SAMSN1: variants seen among roughly 807,000 people sequenced by gnomAD.
The protein encoded by SAMSN1 is SAM domain-containing protein SAMSN-1.
In SAMSN1, 31 loss-of-function variants were observed where a neutral mutation model predicts 42.0. The observed-to-expected ratio is 0.74, with a 90% CI of 0.55 to 1.00. The LOEUF (loss-of-function observed/expected upper bound fraction) is 1.00, where lower values mean the gene tolerates loss of function less well. Ranked by LOEUF, SAMSN1 falls within the 50% of genes least tolerant of loss-of-function variation. The pLI is 0.00. For missense variants in SAMSN1, 464 were observed against 439.4 expected (o/e 1.06, Z -0.50); for synonymous variants, 178 against 151.9 (o/e 1.17, Z -1.26).
rs1555826735 is a variant in SAMSN1 at position 14,493,613 on chromosome 21, A to ACACACACG, written c.919+4828_919+4829insCGTGTGTG. On this transcript the variant is annotated intron_variant, in intron 7 of 7. Coordinates refer to ENST00000400566, the MANE Select transcript of SAMSN1 (RefSeq NM_022136.5). Reference sequence around the variant, plus strand: ...CACACACACACACACACACACACACATATTTTCTGTTCTCTTTTTTATTTG... The same window carrying ACACACACG: ...CACACACACACACACACACACACACACACACACGTATTTTCTGTTCTCTTTTTTATTTG... Among the ~76,000 whole-genome samples the ACACACACG allele has an allele frequency of 1.2e-3, 183 of 151,032 alleles. 1 individual carries two copies. The highest frequency in any genetic ancestry group is 5.9e-3 in the South Asian group (28 of 4,764).
intron 7 of SAMSN1, chr21:14,495,604 G>A (rs1986885312): frequency 6.6e-6 from 1 of 151,804 alleles, no homozygotes; most frequent in Non-Finnish European, 1.5e-5. Context: ...GTACCTTACT[G>A]GCTGTCATTA....
At chr21:14,578,680 CAAAAAAA>C (rs769354531) in intron 2 of SAMSN1, among the ~76,000 whole-genome samples, 5 of 63,694 alleles carry the variant, frequency 7.9e-5, no homozygotes, top group East Asian at 5.4e-4. Context: ...GAGAATCCAT[CAAAAAAA>C]AAAAAAAAAA....
chr21:14,558,260 G>A (rs1980825264), intron 2 of SAMSN1, among the ~76,000 whole-genome samples: 1 of 151,972 alleles, frequency 6.6e-6, no homozygotes, highest in Non-Finnish European at 1.5e-5. Context: ...GATTAAAATT[G>A]CAGAATCCGT....
chr21:14,489,437 A>G (rs907737656), intron 7 of SAMSN1, among the ~76,000 whole-genome samples: 8 of 152,202 alleles, frequency 5.3e-5, no homozygotes, highest in African/African-American at 1.9e-4. Flanking sequence ...AAATTTGTTA[A>G]TTTTCCCTCT....
In SAMSN1 at chr21:14,582,344, A is replaced by T. The variant is rs1309040310; in HGVS notation, c.53T>A (p.Leu18Ter). 2.6e-6 allele frequency: 4 copies of T among 1,550,186 alleles called. No individual in the cohort carries two copies. The Admixed American group carries it at 7.8e-5, about 30-fold the overall frequency. Residue 18 changes from leucine (L) to a stop codon, truncating the protein, a stop_gained, in exon 2 of 9, where the codon TTA becomes TAA. Transcript: ENST00000285670. LOFTEE classifies it high-confidence loss of function. ...TTTATCTTCCAAGTTGCAGTTATTT[A>T]AAGTGCTGGATCTACCCAGTGATGC...
chr21:14,569,094 C>A (rs1981206368), intron 2 of SAMSN1, among the ~76,000 whole-genome samples: 1 of 151,592 alleles, frequency 6.6e-6, no homozygotes, highest in Non-Finnish European at 1.5e-5. Context: ...AGTTCAAGAC[C>A]AGCCTAGGCA....
In SAMSN1 at chr21:14,569,388, G is replaced by C. The variant is rs562850837; in HGVS notation, c.261+12748C>G. On this transcript the variant is annotated intron_variant, in intron 2 of 8. Coordinates refer to the SAMSN1 transcript ENST00000285670. ...TAAAATAAATGAATTCATTTTGGCCGACTGCTGTTTTGGGTTATTTCCCCA... is the reference window on the plus strand; with the variant it reads ...TAAAATAAATGAATTCATTTTGGCCCACTGCTGTTTTGGGTTATTTCCCCA... Among the ~76,000 whole-genome samples the C allele has an allele frequency of 9.9e-5, 15 of 152,232 alleles. No individual in the cohort carries two copies. In the East Asian group the frequency reaches 2.3e-3, roughly 24 times the overall value.
At chr21:14,571,017 T>G in intron 2 of SAMSN1, among the ~76,000 whole-genome samples, 1 of 151,248 alleles carries the variant, frequency 6.6e-6, no homozygotes, top group African/African-American at 2.5e-5. Context: ...TTATTATCAG[T>G]TAGTTAACTC....
intron 2 of SAMSN1, among the ~76,000 whole-genome samples, chr21:14,568,249 T>C (rs1981183452): frequency 6.6e-6 from 1 of 152,204 alleles, no homozygotes; most frequent in Admixed American, 6.5e-5. Context: ...TTCAGGTTTA[T>C]AAGGCCTCTG....
intron 5 of SAMSN1, among the ~76,000 whole-genome samples, chr21:14,607,426 A>G (rs747742185): frequency 2.6e-5 from 4 of 152,202 alleles, no homozygotes; most frequent in Non-Finnish European, 4.4e-5. Context: ...TTATAATGTT[A>G]CAGACAGCCT....
intron 2 of SAMSN1, among the ~76,000 whole-genome samples, chr21:14,577,263 TA>T (rs1981520585): frequency 4.3e-5 from 2 of 46,378 alleles, no homozygotes; most frequent in East Asian, 4.1e-4. Context: ...TATATATATA[TA>T]TATATATATA....
rs543219242 is a variant in SAMSN1 at position 14,604,547 on chromosome 21, A to G, written c.323-2448T>C. Among the ~76,000 whole-genome samples the G allele has an allele frequency of 2.6e-5, 4 of 152,320 alleles. No homozygotes were observed. In the South Asian group the frequency reaches 8.3e-4, roughly 32 times the overall value. ...GGGCAACAGAGTGAGGCCTTGTCTC[A>G]AAAAGCAAAAAAACAAAAAAACAAT... is the stretch of plus-strand genomic sequence containing the variant. On this transcript the variant is annotated intron_variant, in intron 5 of 15. Coordinates refer to the SAMSN1 transcript ENST00000647101.
At chr21:14,594,050 T>A (rs757513421) in exon 7 of SAMSN1, 1 of 715,402 alleles carries the variant, frequency 1.4e-6, no homozygotes, top group Non-Finnish European at 2.6e-6. Flanking sequence ...TCTTTGATAG[T>A]GAAATGGACT....
rs538409512 is a variant in SAMSN1 at position 14,521,146 on chromosome 21, G to A, written c.129+4C>T. On this transcript the variant is annotated splice_donor_region_variant and intron_variant, in intron 2 of 7. Coordinates refer to ENST00000400566, the MANE Select transcript of SAMSN1 (RefSeq NM_022136.5). ...CATTCATAAAAATGGAATAAACTAC[G>A]AACCTCAGTTGAATCATCTGGTTTT... 1.4e-4 allele frequency: 219 copies of A among 1,581,786 alleles called. 1 individual carries two copies. In the Middle Eastern group the frequency reaches 4.0e-3, roughly 29 times the overall value.
At chr21:14,547,397 C>T (rs763327566), upstream of SAMSN1, among the ~76,000 whole-genome samples, 1 of 152,034 alleles carries the variant, frequency 6.6e-6, no homozygotes, top group Non-Finnish European at 1.5e-5. Context: ...TTAAGAGTTT[C>T]CCCATGGTTT....
chr21:14,544,953 A>T (rs972085327), intron 1 of SAMSN1, among the ~76,000 whole-genome samples: 6 of 152,172 alleles, frequency 3.9e-5, no homozygotes, highest in African/African-American at 1.4e-4. Context: ...ATCATATAAA[A>T]TTAATCTTAA....
chr21:14,513,559 T>C (rs563027735), intron 3 of SAMSN1, among the ~76,000 whole-genome samples: 7 of 152,226 alleles, frequency 4.6e-5, no homozygotes, highest in East Asian at 1.9e-4. Context: ...GGGAGGTGTG[T>C]CTAAACACAA....
At chr21:14,621,847 C>G (rs903305967) in intron 2 of SAMSN1, among the ~76,000 whole-genome samples, 1 of 152,154 alleles carries the variant, frequency 6.6e-6, no homozygotes, top group African/African-American at 2.4e-5. Flanking sequence ...CCCTGACCCT[C>G]GAGTAGCCTA....
chr21:14,605,661 T>C (rs926632754), intron 5 of SAMSN1, among the ~76,000 whole-genome samples: 16 of 152,060 alleles, frequency 1.1e-4, no homozygotes, highest in Non-Finnish European at 2.2e-4. Context: ...GGCCAAATGA[T>C]ATTGACTAGA....
Sources: gnomAD v4.1 joint callset for allele counts (sites outside exome capture counted in the v4.1 genomes callset) on GRCh38, gnomAD v4.1.1 for gene constraint, MANE v1.5 for transcripts, NCBI Gene and HGNC (gene_info 2026-07-23, HGNC 2026-07-21) for gene names.